The following RELN variants were observed in gnomAD, a reference collection of about 807,000 sequenced individuals.
The protein encoded by RELN is reelin.
Under a neutral mutation model 427.6 loss-of-function variants are expected in RELN, and 108 were observed. The ratio of observed to expected loss-of-function variants is 0.25; its 90% confidence interval spans 0.22 to 0.30. The LOEUF (loss-of-function observed/expected upper bound fraction) is 0.30. RELN is among the 10% of genes least tolerant of loss of function. The pLI is 1.00. For synonymous variants in RELN, 1,524 were observed against 1,513.4 expected, an observed-to-expected ratio of 1.01 and a Z score of -0.16; for missense variants, 3,715 against 4,302.8, an observed-to-expected ratio of 0.86 and a Z score of 3.82.
At chr7:103,840,903 C>T (rs1267723335) in intron 2 of RELN, among the ~76,000 whole-genome samples, 1 of 152,122 alleles carries the variant, frequency 6.6e-6, no homozygotes, top group Non-Finnish European at 1.5e-5. Flanking sequence ...AATAATTTAA[C>T]TATGCTTTTT....
chr7:103,643,591 C>T (rs1206509894), intron 16 of RELN, among the ~76,000 whole-genome samples: 1 of 151,842 alleles, frequency 6.6e-6, no homozygotes, highest in Non-Finnish European at 1.5e-5. Flanking sequence ...CTAACCTGCA[C>T]ATTGTGCACA....
At chr7:103,588,281 T>C (rs185539461) in intron 28 of RELN, among the ~76,000 whole-genome samples, 6 of 152,148 alleles carry the variant, frequency 3.9e-5, no homozygotes, top group Non-Finnish European at 7.4e-5. Context: ...AAAAGACAAA[T>C]ATTGCATATT....
At chr7:103,977,367 G>A (rs1796902193) in intron 1 of RELN, among the ~76,000 whole-genome samples, 1 of 148,634 alleles carries the variant, frequency 6.7e-6, no homozygotes, top group Admixed American at 6.7e-5. Context: ...GTGAGGCAGA[G>A]CAGATACAAT....
intron 64 of RELN, among the ~76,000 whole-genome samples, chr7:103,474,596 G>A (rs1299010896): frequency 6.6e-6 from 1 of 152,010 alleles, no homozygotes; most frequent in African/African-American, 2.4e-5. Context: ...TGCTGCCTAT[G>A]TAAAATTGAG....
At position 103,575,588 on chromosome 7, in the gene RELN, G is replaced by T. The variant is rs1235295586; in HGVS notation, c.4263C>A (p.Asp1421Glu). Residue 1421 changes from aspartate to glutamate, a missense_variant, in exon 29 of 65, where the codon GAC becomes GAA. Transcript: ENST00000428762. The part of the protein sequence containing the change: ...PCPSYCSGHG[D>E]CISGVCFCDL... Reference sequence around the variant, plus strand: ...CACAGAAACACACTCCTGAAATGCAGTCCCCATGGCCACTGCAGTAACTGG... The same window carrying T: ...CACAGAAACACACTCCTGAAATGCATTCCCCATGGCCACTGCAGTAACTGG... 6.2e-6 allele frequency: 10 copies of T among 1,614,116 alleles called. No homozygotes were observed. The Middle Eastern group carries it at 6.6e-4, about 107-fold the overall frequency.
At chr7:103,837,261 A>G (rs1025361304) in intron 2 of RELN, among the ~76,000 whole-genome samples, 13 of 152,170 alleles carry the variant, frequency 8.5e-5, no homozygotes, top group Non-Finnish European at 1.8e-4. Context: ...GATCATGTCA[A>G]TCCCTGTGAA....
At chr7:103,861,875 T>C (rs1260860904) in intron 2 of RELN, among the ~76,000 whole-genome samples, 1 of 152,180 alleles carries the variant, frequency 6.6e-6, no homozygotes, top group African/African-American at 2.4e-5. Flanking sequence ...ATGATGATAG[T>C]CTTAAGGCAA....
chr7:103,918,526 A>C (rs1795538980), intron 1 of RELN, among the ~76,000 whole-genome samples: 1 of 152,138 alleles, frequency 6.6e-6, no homozygotes, highest in African/African-American at 2.4e-5. Context: ...CAGATCCCAA[A>C]GTGGCAAAGT....
At chr7:103,599,000 C>T (rs188817496) in intron 24 of RELN, among the ~76,000 whole-genome samples, 29 of 152,230 alleles carry the variant, frequency 1.9e-4, no homozygotes, top group African/African-American at 7.0e-4. Flanking sequence ...CCTCCAATTT[C>T]CCCCCAAATT....
chr7:103,523,608 T>G (rs1829758370), intron 46 of RELN, 77 bp from the exon 47 acceptor site: 1 of 1,405,606 alleles, frequency 7.1e-7, no homozygotes, highest in Non-Finnish European at 1.0e-6. Flanking sequence ...AACAAGTGCA[T>G]GGAGAAGTGT....
chr7:103,702,767 CAGATCTCTGCAAT>C (rs559079306), intron 8 of RELN, among the ~76,000 whole-genome samples: 54 of 152,298 alleles, frequency 3.5e-4, no homozygotes, highest in South Asian at 1.5e-3. Flanking sequence ...TGGCTCTTGC[CAGATCTCTGCAAT>C]AGTGATTAGT....
intron 1 of RELN, among the ~76,000 whole-genome samples, chr7:103,946,801 C>T (rs1796228707): frequency 6.6e-6 from 1 of 151,984 alleles, no homozygotes; most frequent in South Asian, 2.1e-4. Context: ...GTCTCAGATG[C>T]AAAAAGATAA....
At chr7:103,528,160 C>T (rs1002810500) in intron 46 of RELN, among the ~76,000 whole-genome samples, 14 of 152,052 alleles carry the variant, frequency 9.2e-5, no homozygotes, top group Non-Finnish European at 1.2e-4. Context: ...ACCTATCAAA[C>T]GATGAACAGA....
chr7:103,523,798 C>T (rs1829762321), intron 46 of RELN, among the ~76,000 whole-genome samples: 1 of 152,062 alleles, frequency 6.6e-6, no homozygotes, highest in African/African-American at 2.4e-5. Context: ...ATGTCTCAGC[C>T]TCCCGAGTAG....
intron 1 of RELN, among the ~76,000 whole-genome samples, chr7:103,986,930 C>CTGTGTGTGTG (rs68023932): frequency 1.3e-5 from 2 of 148,958 alleles, no homozygotes; most frequent in South Asian, 2.1e-4. Context: ...CTAACAGAAG[C>CTGTGTGTGTG]TGTGTGTGTG....
At chr7:103,743,432 C>A (rs545873385) in intron 6 of RELN, among the ~76,000 whole-genome samples, 3 of 152,004 alleles carry the variant, frequency 2.0e-5, no homozygotes, top group African/African-American at 7.3e-5. Context: ...TAAATGTAAA[C>A]GGGCTAAATG....
rs1243496924 is a variant in RELN at position 103,988,084 on chromosome 7, G to A, written c.226+1047C>T. Reference sequence around the variant, plus strand: ...CTATTAGAGATAGAAACTATTAACAGGAGCCTACTGGACAATGGTTTCTAT... The same window carrying A: ...CTATTAGAGATAGAAACTATTAACAAGAGCCTACTGGACAATGGTTTCTAT... On this transcript the variant is annotated intron_variant, in intron 1 of 64. Transcript: ENST00000428762. The surrounding 1 kb of genome is among the most constrained non-coding windows in gnomAD (Gnocchi z 4.9). 6.6e-6 allele frequency among the ~76,000 whole-genome samples: 1 copy of A among 152,076 alleles called. No homozygotes were observed. The highest frequency in any genetic ancestry group is 1.5e-5 in the Non-Finnish European group (1 of 68,016).
At chr7:103,630,780 T>A (rs1177204853) in intron 19 of RELN, among the ~76,000 whole-genome samples, 2 of 151,006 alleles carry the variant, frequency 1.3e-5, no homozygotes, top group African/African-American at 4.9e-5. Context: ...TTTGTCACCG[T>A]CAAAGTACAA....
chr7:103,747,795 G>A (rs1298203146), intron 6 of RELN, among the ~76,000 whole-genome samples: 3 of 151,820 alleles, frequency 2.0e-5, no homozygotes, highest in African/African-American at 7.2e-5. Flanking sequence ...TAAAAATTAG[G>A]AAAAAACTTT....
Sources: allele counts gnomAD v4.1 joint callset (sites outside exome capture counted in the v4.1 genomes callset), GRCh38; gene constraint gnomAD v4.1.1; non-coding constraint Gnocchi (gnomAD v3.1); transcripts MANE v1.5; gene names NCBI Gene and HGNC (gene_info 2026-07-23, HGNC 2026-07-21).